Variants in INPP5B observed in about 807,000 individuals in gnomAD.
INPP5B encodes type II inositol 1,4,5-trisphosphate 5-phosphatase.
In INPP5B, 90 loss-of-function variants were observed where a neutral mutation model predicts 118.5. The observed-to-expected ratio is 0.76, with a 90% CI of 0.64 to 0.90. INPP5B has a LOEUF of 0.90. Ranked by LOEUF, INPP5B falls within the 40% of genes least tolerant of loss-of-function variation. The pLI is 0.00. For synonymous variants in INPP5B, 385 were observed against 418.9 expected, an observed-to-expected ratio of 0.92 and a Z score of 0.99; for missense variants, 984 against 1,125.6, an observed-to-expected ratio of 0.87 and a Z score of 1.80.
In INPP5B at chr1:37,946,597, T is replaced by C. The variant is rs539745099; in HGVS notation, c.-26-263A>G. Among the ~76,000 whole-genome samples the C allele has an allele frequency of 7.1e-4, 108 of 152,322 alleles. 3 individuals are homozygous for C. In the South Asian group the frequency reaches 0.02, roughly 29 times the overall value. On this transcript the variant is annotated intron_variant, in intron 1 of 23. Transcript: ENST00000373024. Reference sequence around the variant, plus strand: ...TGTCTGGGAGGGCATCCAGTTGCTCTTGAGTGTGGTCTATCCTTGTTGGAA... The same window carrying C: ...TGTCTGGGAGGGCATCCAGTTGCTCCTGAGTGTGGTCTATCCTTGTTGGAA...
chr1:37,896,877 G>A (rs1401523367), intron 7 of INPP5B, among the ~76,000 whole-genome samples: 5 of 137,216 alleles, frequency 3.6e-5, no homozygotes, highest in African/African-American at 5.5e-5. Flanking sequence ...CCCTCTGCCC[G>A]GCCAGCCGCC....
At chr1:37,882,300 G>C (rs72919769) in intron 14 of INPP5B, among the ~76,000 whole-genome samples, 1 of 152,096 alleles carries the variant, frequency 6.6e-6, no homozygotes, top group Non-Finnish European at 1.5e-5. Flanking sequence ...GTGAAACAGC[G>C]AGTGCTCTGA....
At chr1:37,931,763 T>TCCGCCCCCAGACGAAC in intron 7 of INPP5B, 150 bp downstream of exon 7, 1 of 1,602,220 alleles carries the variant, frequency 6.2e-7, no homozygotes, top group East Asian at 2.2e-5. Context: ...TCCCGCGCGC[T>TCCGCCCCCAGACGAAC]CCGCCCCCAG....
chr1:37,900,216 G>T (rs1047321423), intron 7 of INPP5B, among the ~76,000 whole-genome samples: 7 of 151,342 alleles, frequency 4.6e-5, no homozygotes, highest in African/African-American at 1.7e-4. Flanking sequence ...TGCGTAGCTG[G>T]GACTACAGGC....
At chr1:37,941,974 T>TATATATATATATATATATATAA (rs1390505203) in intron 5 of INPP5B, 7 of 80,892 alleles carry the variant, frequency 8.7e-5, no homozygotes, top group Non-Finnish European at 1.5e-4. Flanking sequence ...TATATATATA[T>TATATATATATATATATATATAA]AAAATAAAAT....
At chr1:37,887,224 C>G (rs1643596123) in intron 11 of INPP5B, 127 bp downstream of exon 11, 1 of 767,090 alleles carries the variant, frequency 1.3e-6, no homozygotes, top group African/African-American at 1.8e-5. Context: ...TCTGGAAGAT[C>G]TGGAAATGAA....
chr1:37,927,850 A>G (rs1034978671), intron 7 of INPP5B, among the ~76,000 whole-genome samples: 1 of 152,086 alleles, frequency 6.6e-6, no homozygotes, highest in African/African-American at 2.4e-5. Flanking sequence ...TTTTTCTACT[A>G]TAATCTCTAC....
rs914482884 is a variant in INPP5B at position 37,860,719 on chromosome 1, A to G, written c.*1596T>C. 3 of 152,382 alleles carry G rather than the reference A, an allele frequency of 2.0e-5. No individual in the cohort carries two copies. The highest frequency in any genetic ancestry group is 2.1e-4 in the South Asian group (1 of 4,832). The allele number at this position is 152,382 out of a possible 1,614,324, so 9.4% of individuals were successfully genotyped here. On this transcript the variant is annotated 3_prime_UTR_variant, in exon 24 of 24. Coordinates refer to ENST00000373024, the MANE Select transcript of INPP5B (RefSeq NM_005540.3). ...CGCCACTGTTAAAAATACATTTATC[A>G]TTAAAATATATTACACATGGAGACA...
chr1:37,889,713 G>C lies in INPP5B; in HGVS notation c.641C>G (p.Ser214Cys). ...PESLQPRQNK[S>C]KSEITDMVRS... ...AACCATGTCAGTAATTTCGGACTTG[G>C]ATTTATTCTGTCTGGAAAAACAGAA... Residue 214 changes from serine (S) to cysteine (C), a missense_variant, in exon 9 of 24, where the codon TCC becomes TGC. This residue lies in a region of INPP5B where 350 missense variants were observed against 334.6 expected (regional missense o/e 1.05). Coordinates refer to ENST00000373024, the MANE Select transcript of INPP5B (RefSeq NM_005540.3). 6.2e-7 allele frequency: 1 copy of C among 1,610,070 alleles called. No individual in the cohort carries two copies. Among genetic ancestry groups the C allele is most frequent in the Non-Finnish European group, 8.5e-7 (1 of 1,178,292 alleles).
chr1:37,940,243 G>A (rs1234083362), intron 6 of INPP5B, among the ~76,000 whole-genome samples: 2 of 152,302 alleles, frequency 1.3e-5, no homozygotes, highest in Admixed American at 6.5e-5. Flanking sequence ...ACGTTTCACT[G>A]CTAGCCCAAA....
chr1:37,878,546 G>A, intron 15 of INPP5B: 1 of 956,154 alleles, frequency 1.0e-6, no homozygotes, highest in Non-Finnish European at 1.2e-6. Flanking sequence ...ACAGAGTTCA[G>A]ACTGATTCTC....
Position 37,928,442 on chromosome 1 carries a change from T to A in INPP5B, c.532+3471A>T, listed in dbSNP as rs183463383. 836 of 152,668 alleles carry A rather than the reference T, an allele frequency of 5.5e-3. 3 individuals are homozygous for A. The highest frequency in any genetic ancestry group is 0.014 in the Admixed American group (220 of 15,278). The allele number at this position is 152,668 out of a possible 1,614,324, so 9.5% of individuals were successfully genotyped here. A position where few individuals can be genotyped will look rare whatever the true frequency, so the allele number is the denominator to read the frequency against. ...GGCGCGATCTCGGCTAACTGCAACC[T>A]CTGCCTCCCAGGTTCAAGCGGTTCT... On this transcript the variant is annotated intron_variant, in intron 7 of 23. Transcript: ENST00000373024.
Position 37,931,964 on chromosome 1 carries a change from C to G in INPP5B, c.481G>C (p.Gly161Arg), listed in dbSNP as rs370354581. The G allele has an allele frequency of 2.5e-6, 4 of 1,614,042 alleles. No homozygotes were observed. Among genetic ancestry groups the G allele is most frequent in the Non-Finnish European group, 3.4e-6 (4 of 1,180,004 alleles). The change falls in exon 7 of 24, where the codon GGT becomes CGT. Residue 161 changes from glycine to arginine, a missense_variant. Around this residue, in one of 2 missense-constraint regions of INPP5B, gnomAD observed 350 missense variants for 334.6 expected, o/e 1.05. Coordinates refer to ENST00000373024, the MANE Select transcript of INPP5B (RefSeq NM_005540.3). ...CAGGTAACTAGGGCCGAGTTACAAC[C>G]GCGCGGCGTTGGCATCTCCAGCTCC... ...ELELEMPTPRGCNSALVTWPG... is the reference protein window; with the variant it reads ...ELELEMPTPRRCNSALVTWPG...
In INPP5B at chr1:37,943,787, C is replaced by T. The variant is rs746674304; in HGVS notation, c.250+9G>A. On this transcript the variant is annotated intron_variant, in intron 4 of 23. Coordinates refer to ENST00000373024, the MANE Select transcript of INPP5B (RefSeq NM_005540.3). The stretch of plus-strand genomic sequence containing the variant: ...GAGAGGATTCATACCACCCAGCCCC[C>T]TGTGGCACCTTCTTCCAGCGTAAAA... The T allele has an allele frequency of 1.7e-5, 27 of 1,613,560 alleles. No homozygotes were observed. The highest frequency in any genetic ancestry group is 2.1e-5 in the Non-Finnish European group (25 of 1,179,580).
chr1:37,880,595 G>A (rs188858214), intron 14 of INPP5B, among the ~76,000 whole-genome samples: 4 of 151,828 alleles, frequency 2.6e-5, no homozygotes, highest in Non-Finnish European at 4.4e-5. Context: ...ATGCCACCAC[G>A]CCTGGCTAAC....
intron 23 of INPP5B, among the ~76,000 whole-genome samples, chr1:37,863,492 C>T (rs1041689256): frequency 2.0e-5 from 3 of 149,860 alleles, no homozygotes; most frequent in African/African-American, 4.9e-5. Context: ...TCCAGCCTGG[C>T]GACAGAGCGA....
intron 17 of INPP5B, among the ~76,000 whole-genome samples, chr1:37,874,871 T>A (rs928457315): frequency 6.6e-6 from 1 of 152,222 alleles, no homozygotes; most frequent in African/African-American, 2.4e-5. Context: ...GTGTGAGTGA[T>A]CTTCCATGTG....
intron 19 of INPP5B, chr1:37,870,019 C>T (rs936165517): frequency 1.3e-5 from 2 of 151,428 alleles, no homozygotes; most frequent in Non-Finnish European, 2.9e-5. Flanking sequence ...GATAACCTAC[C>T]GATGATGATT....
chr1:37,934,739 G>A (rs1645619880), intron 6 of INPP5B, among the ~76,000 whole-genome samples: 1 of 152,106 alleles, frequency 6.6e-6, no homozygotes, highest in Admixed American at 6.5e-5. Flanking sequence ...GTGGACCCCA[G>A]AAGGATGACA....
Sources: gnomAD v4.1 joint callset for allele counts (sites outside exome capture counted in the v4.1 genomes callset) on GRCh38, gnomAD v4.1.1 for gene constraint, gnomAD v4.1.1 regional missense constraint, MANE v1.5 for transcripts, NCBI Gene and HGNC (gene_info 2026-07-23, HGNC 2026-07-21) for gene names.